Variants in RUNX1 observed in about 807,000 individuals in gnomAD.
RUNX1 encodes the protein RUNX family transcription factor 1, also known as runt-related transcription factor 1.
Under a neutral mutation model 42.8 loss-of-function variants are expected in RUNX1, and 19 were observed. The ratio of observed to expected loss-of-function variants is 0.44; its 90% CI spans 0.31 to 0.65. RUNX1 has a LOEUF of 0.65. Among genes scored for constraint, RUNX1 ranks in the 30% least tolerant of loss-of-function variants. The probability of loss-of-function intolerance (pLI) is 0.07; values close to 1 mark genes in which losing one functional copy is unlikely to be tolerated. For missense variants in RUNX1, 528 were observed against 672.0 expected (o/e 0.79, Z 2.37); for synonymous variants, 271 against 289.4 (o/e 0.94, Z 0.64).
intron 2 of RUNX1, among the ~76,000 whole-genome samples, chr21:34,903,714 T>C (rs1189699742): frequency 6.6e-6 from 1 of 152,206 alleles, no homozygotes; most frequent in South Asian, 2.1e-4. Flanking sequence ...TCGGATAAGA[T>C]GGCAAATACT....
chr21:35,015,607 T>C (rs1236467820), intron 2 of RUNX1, among the ~76,000 whole-genome samples: 1 of 152,164 alleles, frequency 6.6e-6, no homozygotes. Context: ...AGAAAACTCA[T>C]CTCAGGCTTT....
At chr21:34,882,989 T>A (rs1480397892) in intron 4 of RUNX1, among the ~76,000 whole-genome samples, 1 of 152,172 alleles carries the variant, frequency 6.6e-6, no homozygotes, top group Non-Finnish European at 1.5e-5. Context: ...AAGGTGAAAA[T>A]AAATAAATCT....
intron 2 of RUNX1, among the ~76,000 whole-genome samples, chr21:35,032,546 T>C (rs1226798727): frequency 6.6e-6 from 1 of 152,216 alleles, no homozygotes; most frequent in Non-Finnish European, 1.5e-5. Flanking sequence ...CTCTTGGTCA[T>C]AGACATTTGT....
intron 2 of RUNX1, among the ~76,000 whole-genome samples, chr21:35,003,714 T>C (rs889280804): frequency 2.0e-5 from 3 of 152,178 alleles, no homozygotes; most frequent in Non-Finnish European, 4.4e-5. Context: ...GTATTTCCAT[T>C]CTCAGGGGCA....
intron 7 of RUNX1, chr21:34,821,762 A>G: frequency 7.0e-7 from 1 of 1,419,068 alleles, no homozygotes; most frequent in East Asian, 2.6e-5. Flanking sequence ...TAGAGCCGCG[A>G]ATGCATTCCC....
intron 2 of RUNX1, among the ~76,000 whole-genome samples, chr21:34,919,790 G>A (rs1462544742): frequency 6.6e-6 from 1 of 152,190 alleles, no homozygotes; most frequent in Non-Finnish European, 1.5e-5. Flanking sequence ...AATAACGATT[G>A]TAGGACATTA....
rs190883666 is a variant in RUNX1 at position 34,874,524 on chromosome 21, C to T, written c.508+6033G>A. 4.9e-5 allele frequency among the ~76,000 whole-genome samples: 7 copies of T among 141,648 alleles called. No homozygotes were observed. The East Asian group carries it at 8.4e-4, about 17-fold the overall frequency. The allele number at this position is 141,648 out of a possible 152,430, so 92.9% of individuals were successfully genotyped here. ...ACTTGGGAGGCCGAGGTAGGAGAAT[C>T]GCTTGAACCTGGGAGGTGGAGGTTG... On this transcript the variant is annotated intron_variant, in intron 5 of 8. Coordinates refer to ENST00000675419, the MANE Select transcript of RUNX1 (RefSeq NM_001754.5).
intron 2 of RUNX1, among the ~76,000 whole-genome samples, chr21:34,976,196 G>A (rs117078150): frequency 4.6e-5 from 7 of 151,560 alleles, no homozygotes; most frequent in African/African-American, 1.7e-4. Flanking sequence ...ATGAGATCTA[G>A]TTGAGATTAC....
chr21:34,850,791 A>C lies in RUNX1; in HGVS notation c.613+8683T>G, dbSNP rs941517653. 2.6e-5 allele frequency among the ~76,000 whole-genome samples: 4 copies of C among 152,190 alleles called. No individual in the cohort carries two copies. In the East Asian group the frequency reaches 5.8e-4, roughly 22 times the overall value. On this transcript the variant is annotated intron_variant, in intron 6 of 8. Transcript: ENST00000675419. Reference sequence around the variant, plus strand: ...ATAAATCAAAATTTATAAATGTTTAATTAAATGTAAAAAAAAAAGTGTACC... The same window carrying C: ...ATAAATCAAAATTTATAAATGTTTACTTAAATGTAAAAAAAAAAGTGTACC...
At chr21:34,870,078 T>C (rs946151398) in intron 5 of RUNX1, among the ~76,000 whole-genome samples, 1 of 152,208 alleles carries the variant, frequency 6.6e-6, no homozygotes, top group Non-Finnish European at 1.5e-5. Context: ...GCCTGCCGCA[T>C]ATAACCCTTT....
At chr21:35,008,220 C>T (rs1186276498) in intron 2 of RUNX1, among the ~76,000 whole-genome samples, 2 of 152,220 alleles carry the variant, frequency 1.3e-5, no homozygotes, top group Non-Finnish European at 2.9e-5. Context: ...CTTCCTACAA[C>T]CAATGGCAAT....
At chr21:34,804,246 G>A (rs535281544) in intron 7 of RUNX1, among the ~76,000 whole-genome samples, 9 of 152,294 alleles carry the variant, frequency 5.9e-5, no homozygotes, top group African/African-American at 2.2e-4. Context: ...AGTTTCAGGA[G>A]GAAGTGCACT....
chr21:34,990,169 C>A (rs1465558014), intron 2 of RUNX1, among the ~76,000 whole-genome samples: 1 of 152,212 alleles, frequency 6.6e-6, no homozygotes, highest in Non-Finnish European at 1.5e-5. Context: ...CAGTTTCATT[C>A]AGAGACCCCT....
intron 6 of RUNX1, among the ~76,000 whole-genome samples, chr21:34,842,786 C>T (rs1371397987): frequency 2.0e-5 from 3 of 151,984 alleles, no homozygotes; most frequent in Non-Finnish European, 4.4e-5. Context: ...CATACAGATG[C>T]AGCTGGGCGC....
chr21:34,932,569 G>T (rs1285360881), intron 2 of RUNX1, among the ~76,000 whole-genome samples: 1 of 152,150 alleles, frequency 6.6e-6, no homozygotes, highest in Non-Finnish European at 1.5e-5. Flanking sequence ...TTATTGAGGA[G>T]TCCATTATGT....
At chr21:34,914,128 G>A (rs995673355) in intron 2 of RUNX1, among the ~76,000 whole-genome samples, 1 of 152,184 alleles carries the variant, frequency 6.6e-6, no homozygotes, top group Non-Finnish European at 1.5e-5. Context: ...GGTTTGCTAA[G>A]GACTCTTGGA....
intron 2 of RUNX1, among the ~76,000 whole-genome samples, chr21:34,934,521 C>T (rs1181212523): frequency 6.6e-6 from 1 of 152,132 alleles, no homozygotes; most frequent in African/African-American, 2.4e-5. Context: ...AATATTGGTC[C>T]AGCTCGCTGT....
chr21:34,825,520 A>G (rs2056974294), intron 7 of RUNX1, among the ~76,000 whole-genome samples: 1 of 152,224 alleles, frequency 6.6e-6, no homozygotes, highest in Non-Finnish European at 1.5e-5. Flanking sequence ...CTGAGGTTAT[A>G]GTAACACGAT....
chr21:35,001,719 T>G (rs954069975), intron 2 of RUNX1, among the ~76,000 whole-genome samples: 9 of 152,282 alleles, frequency 5.9e-5, no homozygotes, highest in African/African-American at 2.2e-4. Flanking sequence ...TCTTTACAGA[T>G]GCCATGATAT....
Sources: gnomAD v4.1 joint callset for allele counts (sites outside exome capture counted in the v4.1 genomes callset) on GRCh38, gnomAD v4.1.1 for gene constraint, MANE v1.5 for transcripts, NCBI Gene and HGNC (gene_info 2026-07-23, HGNC 2026-07-21) for gene names.